PBX1: variants seen among roughly 807,000 people sequenced by gnomAD.
PBX1 encodes the protein PBX homeobox 1, also known as pre-B-cell leukemia transcription factor 1.
In PBX1, 6 loss-of-function variants were observed where a neutral mutation model predicts 53.4. The ratio of observed to expected loss-of-function variants is 0.11; its 90% CI spans 0.06 to 0.22. The LOEUF (loss-of-function observed/expected upper bound fraction) is 0.22, where lower values mean the gene tolerates loss of function less well. Ranked by LOEUF, PBX1 falls within the 10% of genes least tolerant of loss-of-function variation. The pLI, the probability that PBX1 is intolerant of heterozygous loss-of-function variation, is 1.00. For synonymous variants in PBX1, 204 were observed against 212.3 expected, an observed-to-expected ratio of 0.96 and a Z score of 0.34; for missense variants, 251 against 551.4, an observed-to-expected ratio of 0.46 and a Z score of 5.46.
chr1:164,646,097 G>A (rs1571139875), intron 2 of PBX1, among the ~76,000 whole-genome samples: 1 of 152,242 alleles, frequency 6.6e-6, no homozygotes, highest in Admixed American at 6.5e-5. Flanking sequence ...GAATCTGAAG[G>A]GATTTTATTT....
intron 2 of PBX1, among the ~76,000 whole-genome samples, chr1:164,866,951 C>T (rs1341289981): frequency 1.3e-5 from 2 of 152,140 alleles, no homozygotes; most frequent in Non-Finnish European, 2.9e-5. Context: ...TGATGGTTTT[C>T]AGCAAGAGAA....
At chr1:164,884,601 T>C in intron 2 of PBX1, 1 of 506,718 alleles carries the variant, frequency 2.0e-6, no homozygotes, top group Non-Finnish European at 3.8e-6. Flanking sequence ...AGTCCTCTTC[T>C]CTTGACTGAA....
intron 2 of PBX1, among the ~76,000 whole-genome samples, chr1:164,651,530 C>G (rs539074392): frequency 6.6e-6 from 1 of 152,136 alleles, no homozygotes; most frequent in Non-Finnish European, 1.5e-5. Context: ...TACCAAAGCT[C>G]AAGGTGTCAA....
chr1:164,779,714 A>G (rs1262595151), intron 2 of PBX1, among the ~76,000 whole-genome samples: 3 of 152,178 alleles, frequency 2.0e-5, no homozygotes, highest in Non-Finnish European at 4.4e-5. Context: ...CAGTGTCCTC[A>G]TGGAAATACG....
chr1:164,628,305 G>T (rs2101872099), intron 2 of PBX1, among the ~76,000 whole-genome samples: 1 of 152,310 alleles, frequency 6.6e-6, no homozygotes, highest in Middle Eastern at 3.4e-3. Flanking sequence ...AGTAAGGTAA[G>T]GGATATAGAA....
At chr1:164,872,110 T>C (rs1672397408) in intron 2 of PBX1, among the ~76,000 whole-genome samples, 1 of 152,184 alleles carries the variant, frequency 6.6e-6, no homozygotes, top group South Asian at 2.1e-4. Context: ...ATGCACTTAT[T>C]CATATACTTA....
chr1:164,670,134 C>G (rs1178947175), intron 2 of PBX1, among the ~76,000 whole-genome samples: 1 of 152,182 alleles, frequency 6.6e-6, no homozygotes, highest in East Asian at 1.9e-4. Flanking sequence ...AGAGGCGCCT[C>G]CTGAGGGCTT....
chr1:164,782,120 T>C (rs1667963667), intron 2 of PBX1, among the ~76,000 whole-genome samples: 1 of 152,204 alleles, frequency 6.6e-6, no homozygotes. Flanking sequence ...ACTGGTGGGC[T>C]GGTCTCCAGG....
rs970787385 is a variant in PBX1 at position 164,559,767 on chromosome 1, G to GGAGCC, written c.-47_-43dup. ...GGATAAAAAGCCTTGGTGCTTCCCAGGAGCCGAGCCGAGGAGCAGAAGAGG... is the reference window on the plus strand; with the variant it reads ...GGATAAAAAGCCTTGGTGCTTCCCAGGAGCCGAGCCGAGCCGAGGAGCAGAAGAGG... On this transcript the variant is annotated 5_prime_UTR_variant, in exon 1 of 9. Transcript: ENST00000420696. 133 of 1,408,104 alleles carry GGAGCC rather than the reference G, an allele frequency of 9.4e-5. No homozygotes were observed. In the African/African-American group the frequency reaches 1.5e-3, roughly 16 times the overall value. The allele number at this position is 1,408,104 out of a possible 1,614,324, so 87.2% of individuals were successfully genotyped here. A position where few individuals can be genotyped will look rare whatever the true frequency, so the allele number is the denominator to read the frequency against.
chr1:164,765,099 G>C (rs935469779), intron 2 of PBX1, among the ~76,000 whole-genome samples: 1 of 152,108 alleles, frequency 6.6e-6, no homozygotes, highest in African/African-American at 2.4e-5. Context: ...CCACATATAT[G>C]GTTGTCAACA....
At chr1:164,827,396 G>A (rs2102380322) in intron 8 of PBX1, among the ~76,000 whole-genome samples, 1 of 152,280 alleles carries the variant, frequency 6.6e-6, no homozygotes, top group Non-Finnish European at 1.5e-5. Flanking sequence ...GGTACCTTCT[G>A]GTGCTATGAC....
At chr1:164,798,448 A>G (rs1403495008) in intron 3 of PBX1, among the ~76,000 whole-genome samples, 1 of 152,224 alleles carries the variant, frequency 6.6e-6, no homozygotes, top group Non-Finnish European at 1.5e-5. Flanking sequence ...ATGCTCAGCT[A>G]AGGAAACCAG....
At chr1:164,667,525 G>A (rs2101963921) in intron 2 of PBX1, among the ~76,000 whole-genome samples, 1 of 152,158 alleles carries the variant, frequency 6.6e-6, no homozygotes, top group Admixed American at 6.5e-5. Flanking sequence ...TTTGGGTCAA[G>A]ACCAGAAGCC....
At chr1:164,735,922 C>A (rs527926668) in intron 2 of PBX1, among the ~76,000 whole-genome samples, 8 of 152,318 alleles carry the variant, frequency 5.3e-5, no homozygotes, top group African/African-American at 1.9e-4. Flanking sequence ...GCAGTAGCCA[C>A]TACAGGCCAC....
chr1:164,563,853 T>C (rs748319032), intron 2 of PBX1: 1 of 152,358 alleles, frequency 6.6e-6, no homozygotes, highest in Non-Finnish European at 1.5e-5. Context: ...GTGATTTTAT[T>C]GCAGGGAGAA....
intron 2 of PBX1, among the ~76,000 whole-genome samples, chr1:164,648,802 T>C (rs1487956017): frequency 6.6e-6 from 1 of 152,120 alleles, no homozygotes; most frequent in Non-Finnish European, 1.5e-5. Flanking sequence ...ACCTTAGAGA[T>C]TGAGCAAGGC....
At chr1:164,752,593 T>C (rs1397579923) in intron 2 of PBX1, among the ~76,000 whole-genome samples, 1 of 152,178 alleles carries the variant, frequency 6.6e-6, no homozygotes, top group African/African-American at 2.4e-5. Flanking sequence ...CACAGTGTCT[T>C]TTGGTGTATT....
intron 2 of PBX1, among the ~76,000 whole-genome samples, chr1:164,674,251 T>G (rs75604233): frequency 0.017 from 2,529 of 152,308 alleles, 53 homozygotes; most frequent in East Asian, 0.062. Flanking sequence ...CAAGTCTGGT[T>G]ATGCTGGGGT....
intron 2 of PBX1, among the ~76,000 whole-genome samples, chr1:164,750,544 A>G (rs1023767924): frequency 3.3e-5 from 5 of 152,172 alleles, no homozygotes; most frequent in Non-Finnish European, 5.9e-5. Context: ...ATTCCTATTG[A>G]GTGGGAATGA....
Sources: gnomAD v4.1 joint callset for allele counts (sites outside exome capture counted in the v4.1 genomes callset) on GRCh38, gnomAD v4.1.1 for gene constraint, MANE v1.5 for transcripts, NCBI Gene and HGNC (gene_info 2026-07-23, HGNC 2026-07-21) for gene names.